The following SORBS2 variants were observed in gnomAD, a reference collection of about 807,000 sequenced individuals.
The protein encoded by SORBS2 is sorbin and SH3 domain-containing protein 2.
In SORBS2, 46 loss-of-function variants were observed where a neutral mutation model predicts 97.7. The observed-to-expected ratio is 0.47, with a 90% CI of 0.37 to 0.60. The LOEUF is 0.60. Ranked by LOEUF, SORBS2 falls within the 20% of genes least tolerant of loss-of-function variation. The pLI, the probability that SORBS2 is intolerant of heterozygous loss-of-function variation, is 0.00. For synonymous variants in SORBS2, 476 were observed against 473.4 expected (o/e 1.01, Z -0.07); for missense variants, 1,316 against 1,282.3 (o/e 1.03, Z -0.40).
rs368930868 is a variant in SORBS2 at position 185,587,702 on chromosome 4, C to T, written c.2954-14G>A. The T allele has an allele frequency of 1.2e-6, 2 of 1,607,710 alleles. No individual in the cohort carries two copies. Among genetic ancestry groups the T allele is most frequent in the African/African-American group, 1.3e-5 (1 of 74,872 alleles). On this transcript the variant is annotated splice_polypyrimidine_tract_variant and intron_variant, in intron 14 of 14. Transcript: ENST00000418609. ...TTCTTGAGGTCCCTGAAAATAGAAG[C>T]GAGTCATGAAAGGGGGGTGACAACG...
chr4:185,873,715 G>A (rs1442280134), intron 1 of SORBS2, among the ~76,000 whole-genome samples: 1 of 152,098 alleles, frequency 6.6e-6, no homozygotes, highest in Non-Finnish European at 1.5e-5. Flanking sequence ...CCTGCATACT[G>A]TCCAAAACTA....
At position 185,912,907 on chromosome 4, in the gene SORBS2, C is replaced by G. The variant is rs1380204071; in HGVS notation, c.-338+43289G>C. On this transcript the variant is annotated intron_variant, in intron 1 of 20. Transcript: ENST00000284776. ...GTTTCGAATGTTACATAATAAACAG[C>G]CGGATACTGCTGACATTAACACCCA... Among the ~76,000 whole-genome samples the G allele has an allele frequency of 2.0e-4, 30 of 152,158 alleles. 1 individual carries two copies. Among genetic ancestry groups the G allele is most frequent in the Admixed American group, 2.0e-3 (30 of 15,280 alleles).
chr4:185,630,277 A>G (rs185022987), intron 5 of SORBS2, among the ~76,000 whole-genome samples: 14 of 152,268 alleles, frequency 9.2e-5, no homozygotes, highest in Admixed American at 5.2e-4. Context: ...TTCCCATCTA[A>G]AGAAAAGAAA....
chr4:185,885,194 T>C (rs1211894798), intron 1 of SORBS2, among the ~76,000 whole-genome samples: 1 of 152,254 alleles, frequency 6.6e-6, no homozygotes, highest in African/African-American at 2.4e-5. Context: ...GTGGTCTTTG[T>C]AGCCCTCTGA....
At chr4:185,595,126 C>G (rs1031772884) in intron 12 of SORBS2, among the ~76,000 whole-genome samples, 1 of 152,170 alleles carries the variant, frequency 6.6e-6, no homozygotes, top group Non-Finnish European at 1.5e-5. Flanking sequence ...TTTATCCACC[C>G]CCTTTCTATC....
rs192445068 is a variant in SORBS2, at chr4:185,613,742, T to G, written c.2595+1089A>C. Among the ~76,000 whole-genome samples the G allele has an allele frequency of 4.0e-5, 6 of 151,764 alleles. 1 individual carries two copies. Among genetic ancestry groups the G allele is most frequent in the Admixed American group, 3.9e-4 (6 of 15,256 alleles). On this transcript the variant is annotated intron_variant, in intron 11 of 14. Transcript: ENST00000418609. ...AGAACAGGTAGTTGCTAGGCTGTTGTGTGAGCTGTAAGAGGCATTGGTGAA... is the reference window on the plus strand; with the variant it reads ...AGAACAGGTAGTTGCTAGGCTGTTGGGTGAGCTGTAAGAGGCATTGGTGAA...
chr4:185,649,569 T>A, exon 3 of SORBS2: 1 of 1,605,642 alleles, frequency 6.2e-7, no homozygotes, highest in South Asian at 1.1e-5. Flanking sequence ...ATTGGGGCTG[T>A]TGTCGGAGTG....
intron 1 of SORBS2, among the ~76,000 whole-genome samples, chr4:185,818,082 G>C (rs2099194393): frequency 6.6e-6 from 1 of 152,226 alleles, no homozygotes; most frequent in Admixed American, 6.5e-5. Context: ...CGTGCAGGTA[G>C]GAAAAATAAA....
intron 1 of SORBS2, among the ~76,000 whole-genome samples, chr4:185,906,847 C>T (rs1272767961): frequency 1.3e-5 from 2 of 152,266 alleles, no homozygotes; most frequent in South Asian, 2.1e-4. Context: ...GGGAAGAGGC[C>T]GGGCGCAGTG....
intron 2 of SORBS2, 80 bp downstream of exon 11, chr4:185,651,704 G>A (rs1199740427): frequency 2.5e-6 from 2 of 813,526 alleles, no homozygotes; most frequent in Non-Finnish European, 4.3e-6. Flanking sequence ...CAAACAGAAG[G>A]GGAAAAAAGG....
chr4:185,894,641 G>A (rs1331375962), intron 1 of SORBS2, among the ~76,000 whole-genome samples: 3 of 152,136 alleles, frequency 2.0e-5, no homozygotes, highest in Non-Finnish European at 4.4e-5. Flanking sequence ...TTGCTGCACT[G>A]TCAGAATCAA....
chr4:185,602,283 C>T (rs1456038136), intron 12 of SORBS2, among the ~76,000 whole-genome samples: 1 of 152,194 alleles, frequency 6.6e-6, no homozygotes, highest in Non-Finnish European at 1.5e-5. Context: ...GCTGGGATTA[C>T]AGGCATGAGC....
intron 2 of SORBS2, among the ~76,000 whole-genome samples, chr4:185,741,799 C>A (rs1216951403): frequency 6.6e-6 from 1 of 152,174 alleles, no homozygotes; most frequent in Non-Finnish European, 1.5e-5. Context: ...ATTGGACATA[C>A]CCAGCCAGAA....
chr4:185,635,946 C>T lies in SORBS2; in HGVS notation c.397-5348G>A, dbSNP rs139341152. 6.6e-3 allele frequency among the ~76,000 whole-genome samples: 998 copies of T among 152,282 alleles called. 12 individuals are homozygous for T. Among genetic ancestry groups the T allele is most frequent in the African/African-American group, 0.018 (757 of 41,544 alleles). On this transcript the variant is annotated intron_variant, in intron 4 of 14. Transcript: ENST00000418609. Reference sequence around the variant, plus strand: ...CCGTCTCAGCTCACTGCAATCTCTGCCACCAGGGTTCAAGTGATTCTCCCA... The same window carrying T: ...CCGTCTCAGCTCACTGCAATCTCTGTCACCAGGGTTCAAGTGATTCTCCCA...
chr4:185,822,307 C>T (rs930875507), intron 1 of SORBS2, among the ~76,000 whole-genome samples: 3 of 152,182 alleles, frequency 2.0e-5, no homozygotes, highest in South Asian at 2.1e-4. Context: ...GGCCACATGC[C>T]GTTCCAACAG....
chr4:185,880,399 A>G (rs2099236256), intron 1 of SORBS2, among the ~76,000 whole-genome samples: 1 of 152,226 alleles, frequency 6.6e-6, no homozygotes, highest in African/African-American at 2.4e-5. Context: ...CCTTGAAAAA[A>G]GCCATCTTAT....
chr4:185,723,281 C>T (rs924544433), intron 2 of SORBS2, among the ~76,000 whole-genome samples: 3 of 152,284 alleles, frequency 2.0e-5, no homozygotes, highest in Middle Eastern at 3.4e-3. Context: ...GCTGAAAACA[C>T]AGAGACAAGG....
At chr4:185,784,145 T>C (rs1408012114) in intron 1 of SORBS2, among the ~76,000 whole-genome samples, 1 of 152,120 alleles carries the variant, frequency 6.6e-6, no homozygotes, top group Non-Finnish European at 1.5e-5. Flanking sequence ...TTTTCTTTCT[T>C]TTTTGAGACG....
At chr4:185,954,594 A>G (rs1037290356) in intron 1 of SORBS2, among the ~76,000 whole-genome samples, 4 of 152,236 alleles carry the variant, frequency 2.6e-5, no homozygotes, top group African/African-American at 9.6e-5. Flanking sequence ...TAAATAAATG[A>G]ATACTGAATG....
Sources: gnomAD v4.1 joint callset for allele counts (sites outside exome capture counted in the v4.1 genomes callset) on GRCh38, gnomAD v4.1.1 for gene constraint, MANE v1.5 for transcripts, NCBI Gene and HGNC (gene_info 2026-07-23, HGNC 2026-07-21) for gene names.